VTI1A: variants seen among roughly 807,000 people sequenced by gnomAD.
The protein encoded by VTI1A is vesicle transport through interaction with t-SNAREs 1A.
Under a neutral mutation model 34.9 loss-of-function variants are expected in VTI1A, and 22 were observed. The ratio of observed to expected loss-of-function variants is 0.63; its 90% CI spans 0.45 to 0.90. VTI1A has a LOEUF of 0.90. Among genes scored for constraint, VTI1A ranks in the 40% least tolerant of loss-of-function variants. The pLI, the probability that VTI1A is intolerant of heterozygous loss-of-function variation, is 0.00. For missense variants in VTI1A, 268 were observed against 275.6 expected (o/e 0.97, Z 0.20); for synonymous variants, 87 against 97.3 (o/e 0.89, Z 0.62).
chr10:112,547,396 G>A (rs1456952287), intron 5 of VTI1A, among the ~76,000 whole-genome samples: 1 of 152,094 alleles, frequency 6.6e-6, no homozygotes. Flanking sequence ...GACCAACATG[G>A]TGAAACCCCG....
chr10:112,458,646 A>T (rs996626051), intron 1 of VTI1A, among the ~76,000 whole-genome samples: 14 of 107,646 alleles, frequency 1.3e-4, no homozygotes, highest in South Asian at 7.8e-4. Flanking sequence ...TTATATATAT[A>T]TTTTTATTTT....
intron 5 of VTI1A, among the ~76,000 whole-genome samples, chr10:112,584,280 C>T (rs1002745422): frequency 6.6e-6 from 1 of 152,158 alleles, no homozygotes; most frequent in African/African-American, 2.4e-5. Context: ...ACTTTGACAT[C>T]AGAATAGATA....
chr10:112,698,675 G>A (rs35059317), intron 7 of VTI1A, among the ~76,000 whole-genome samples: 32,171 of 152,152 alleles, frequency 0.21, 3,560 homozygotes, highest in African/African-American at 0.27. Context: ...GGTTAAACAC[G>A]TGTTTGAACT....
At chr10:112,788,069 C>A (rs1029909727) in intron 7 of VTI1A, among the ~76,000 whole-genome samples, 1 of 151,268 alleles carries the variant, frequency 6.6e-6, no homozygotes, top group Admixed American at 6.6e-5. Flanking sequence ...TTTATTATTT[C>A]AATATTTTTA....
chr10:112,845,744 A>G, the VTI1A span, among the ~76,000 whole-genome samples: 3,223 of 152,248 alleles, frequency 0.021, 136 homozygotes, highest in African/African-American at 0.075. Flanking sequence ...GGGGCCGGAC[A>G]TGGTGGCTCA....
chr10:112,573,219 T>A (rs1002823816), intron 5 of VTI1A, among the ~76,000 whole-genome samples: 10 of 152,172 alleles, frequency 6.6e-5, no homozygotes, highest in Non-Finnish European at 1.5e-4. Flanking sequence ...ATGAATTGTA[T>A]TCATGGTCCT....
intron 5 of VTI1A, among the ~76,000 whole-genome samples, chr10:112,667,392 A>G (rs990661300): frequency 1.3e-5 from 2 of 152,142 alleles, no homozygotes; most frequent in African/African-American, 4.8e-5. Flanking sequence ...GCAGCTGGTT[A>G]TTTATGATGT....
chr10:112,627,992 T>C (rs1845988185), intron 5 of VTI1A, among the ~76,000 whole-genome samples: 1 of 152,268 alleles, frequency 6.6e-6, no homozygotes, highest in East Asian at 1.9e-4. Flanking sequence ...GCCCCGCGCG[T>C]GTGTTGGAGA....
At chr10:112,814,933 C>A (rs1853457341) in intron 7 of VTI1A, among the ~76,000 whole-genome samples, 1 of 151,960 alleles carries the variant, frequency 6.6e-6, no homozygotes, top group Non-Finnish European at 1.5e-5. Flanking sequence ...CTTGTCTCGC[C>A]TTTTAAATTA....
At chr10:112,778,362 G>GT (rs1392374544) in intron 7 of VTI1A, among the ~76,000 whole-genome samples, 1 of 152,138 alleles carries the variant, frequency 6.6e-6, no homozygotes, top group Non-Finnish European at 1.5e-5. Context: ...ATTCACCATT[G>GT]TTACCCCACT....
chr10:112,658,409 G>A (rs975708021), intron 5 of VTI1A, among the ~76,000 whole-genome samples: 1 of 152,122 alleles, frequency 6.6e-6, no homozygotes, highest in East Asian at 1.9e-4. Flanking sequence ...TACTTTTACA[G>A]CCCACATTTG....
chr10:112,785,034 G>C (rs1385193030), intron 7 of VTI1A, among the ~76,000 whole-genome samples: 1 of 152,168 alleles, frequency 6.6e-6, no homozygotes, highest in Non-Finnish European at 1.5e-5. Context: ...CTTGGCCCCC[G>C]TTGGCTGTGG....
rs113215156 is a variant in VTI1A at position 112,668,214 on chromosome 10, G to A, written c.428-4G>A. On this transcript the variant is annotated splice_polypyrimidine_tract_variant and splice_region_variant and intron_variant, in intron 5 of 7. Coordinates refer to ENST00000393077, the MANE Select transcript of VTI1A (RefSeq NM_145206.4). ...TTTCCTCACTCAAATTTTCTTTTCC[G>A]TAGAGCAAATTGGTCAGGAGATGTT... 5.5e-5 allele frequency: 88 copies of A among 1,611,416 alleles called. 1 individual carries two copies. Among genetic ancestry groups the A allele is most frequent in the African/African-American group, 2.3e-4 (17 of 74,708 alleles).
chr10:112,767,440 A>G lies in VTI1A; in HGVS notation c.561-47850A>G, dbSNP rs573343744. ...ACCCTGATTGCAGACCCAGTGCCTA[A>G]AAGGAAGTAAGTGCCTATTCAATGC... On this transcript the variant is annotated intron_variant, in intron 7 of 7. Transcript: ENST00000393077. This position sits in a 1 kb window ranked among gnomAD's most constrained non-coding sequence, Gnocchi z 4.0. 5.9e-5 allele frequency among the ~76,000 whole-genome samples: 9 copies of G among 152,320 alleles called. No individual in the cohort carries two copies. The South Asian group carries it at 1.5e-3, about 25-fold the overall frequency.
At chr10:112,822,795 T>C (rs1467362965), downstream of VTI1A, among the ~76,000 whole-genome samples, 1 of 152,230 alleles carries the variant, frequency 6.6e-6, no homozygotes, top group Admixed American at 6.5e-5. Flanking sequence ...AGCCTTTCCC[T>C]GTTTGAAGCA....
intron 7 of VTI1A, among the ~76,000 whole-genome samples, chr10:112,811,545 G>GTC (rs1853300414): frequency 6.6e-6 from 1 of 151,916 alleles, no homozygotes; most frequent in African/African-American, 2.4e-5. Context: ...TTAGCCGGGC[G>GTC]TGGTGGCGGG....
chr10:112,534,511 T>G (rs1850554860), intron 4 of VTI1A, among the ~76,000 whole-genome samples: 1 of 152,158 alleles, frequency 6.6e-6, no homozygotes, highest in Admixed American at 6.5e-5. Context: ...TTTATTGGTA[T>G]GTCATCATTC....
chr10:112,787,608 T>C (rs1852326776), intron 7 of VTI1A, among the ~76,000 whole-genome samples: 1 of 152,094 alleles, frequency 6.6e-6, no homozygotes, highest in Non-Finnish European at 1.5e-5. Context: ...GTGATTTTTT[T>C]CTTTGATTCA....
At chr10:112,650,737 G>A (rs1200892384) in intron 5 of VTI1A, among the ~76,000 whole-genome samples, 1 of 152,096 alleles carries the variant, frequency 6.6e-6, no homozygotes, top group Non-Finnish European at 1.5e-5. Flanking sequence ...ATCTTTTGGG[G>A]CCACTGTCCT....
Sources: allele counts gnomAD v4.1 joint callset (sites outside exome capture counted in the v4.1 genomes callset), GRCh38; gene constraint gnomAD v4.1.1; non-coding constraint Gnocchi (gnomAD v3.1); transcripts MANE v1.5; gene names NCBI Gene and HGNC (gene_info 2026-07-23, HGNC 2026-07-21).